Variants in DDX6 observed in about 807,000 individuals in gnomAD.
DDX6 encodes the protein probable ATP-dependent RNA helicase DDX6.
A neutral mutation model predicts 60.6 loss-of-function variants in DDX6; 7 were observed. The observed-to-expected ratio is 0.12, with a 90% CI of 0.07 to 0.22. The LOEUF (loss-of-function observed/expected upper bound fraction) is 0.22. Among genes scored for constraint, DDX6 ranks in the 10% least tolerant of loss-of-function variants. The pLI is 1.00. For synonymous variants in DDX6, 207 were observed against 201.0 expected, an observed-to-expected ratio of 1.03 and a Z score of -0.25; for missense variants, 270 against 589.9, an observed-to-expected ratio of 0.46 and a Z score of 5.62.
chr11:118,778,888 A>T (rs1861791319), intron 4 of DDX6, among the ~76,000 whole-genome samples: 1 of 152,226 alleles, frequency 6.6e-6, no homozygotes, highest in East Asian at 1.9e-4. Context: ...TACTATTAAT[A>T]AAAAAAGGGG....
intron 3 of DDX6, among the ~76,000 whole-genome samples, chr11:118,780,112 CTCA>C (rs1861842733): frequency 9.2e-5 from 2 of 21,696 alleles, no homozygotes; most frequent in African/African-American, 1.5e-4. Flanking sequence ...CAGACTCTAT[CTCA>C]AAAAAAAAAA....
chr11:118,789,986 G>A (rs1448559357), intron 1 of DDX6: 1 of 152,190 alleles, frequency 6.6e-6, no homozygotes, highest in Non-Finnish European at 1.5e-5. Context: ...GGAGCCCCTA[G>A]CGGAGTTAAT....
At chr11:118,778,489 C>G (rs1555164046) in intron 4 of DDX6, among the ~76,000 whole-genome samples, 1 of 152,162 alleles carries the variant, frequency 6.6e-6, no homozygotes. Context: ...TGGTTGAAAA[C>G]AATACGCTAA....
chr11:118,759,036 A>C, intron 8 of DDX6, 134 bp from the exon 9 acceptor site: 3 of 1,182,158 alleles, frequency 2.5e-6, no homozygotes, highest in Non-Finnish European at 3.5e-6. Flanking sequence ...TTCAAAACAA[A>C]ATATATGATC....
At chr11:118,755,346 C>A (rs1283500710) in intron 12 of DDX6, 56 bp downstream of exon 12, 3 of 1,029,584 alleles carry the variant, frequency 2.9e-6, no homozygotes, top group South Asian at 1.3e-5. Flanking sequence ...AAAATTTAGT[C>A]ATTACACGCC....
Position 118,765,080 on chromosome 11 carries a change from T to C in DDX6, c.646+129A>G, listed in dbSNP as rs1250699024. On this transcript the variant is annotated intron_variant, in intron 6 of 13. Transcript: ENST00000534980. The stretch of plus-strand genomic sequence containing the variant: ...ATTTGTCTTTTTCGCTTGAATGCAG[T>C]GGTCATTTCCTTTTCTTACTGCAGT... 6.6e-6 allele frequency: 7 copies of C among 1,065,980 alleles called. No individual in the cohort carries two copies. In the South Asian group the frequency reaches 6.6e-5, roughly 10 times the overall value. 66.0% of individuals were successfully genotyped at this position (1,065,980 alleles called of 1,614,324 possible). A position where few individuals can be genotyped will look rare whatever the true frequency, so the allele number is the denominator to read the frequency against.
At chr11:118,759,774 A>T (rs1450604525) in intron 8 of DDX6, 148 bp downstream of exon 8, 2 of 849,598 alleles carry the variant, frequency 2.4e-6, no homozygotes, top group African/African-American at 1.8e-5. Context: ...ACGTAAAACA[A>T]ATCTTTAATT....
chr11:118,777,565 A>G (rs1445137819), intron 4 of DDX6, among the ~76,000 whole-genome samples: 2 of 152,146 alleles, frequency 1.3e-5, no homozygotes, highest in East Asian at 3.9e-4. Flanking sequence ...CAGGATAGGT[A>G]TAAGATAAGC....
intron 2 of DDX6, among the ~76,000 whole-genome samples, chr11:118,783,904 T>G (rs1374860149): frequency 4.7e-5 from 7 of 149,532 alleles, no homozygotes; most frequent in African/African-American, 1.7e-4. Flanking sequence ...TCACTTGAGC[T>G]CAGGAGTTCC....
chr11:118,757,108 T>C (rs1375683821), intron 10 of DDX6, 63 bp downstream of exon 10: 2 of 917,306 alleles, frequency 2.2e-6, no homozygotes, highest in African/African-American at 1.7e-5. Flanking sequence ...TAAAAGAACA[T>C]TAAAACAAAA....
chr11:118,786,268 A>G lies in DDX6; in HGVS notation c.-17T>C, dbSNP rs1409716658. 3 of 1,580,672 alleles carry G rather than the reference A, an allele frequency of 1.9e-6. No homozygotes were observed. The highest frequency in any genetic ancestry group is 2.6e-6 in the Non-Finnish European group (3 of 1,163,460). On this transcript the variant is annotated 5_prime_UTR_variant, in exon 2 of 14. Coordinates refer to ENST00000534980, the MANE Select transcript of DDX6 (RefSeq NM_004397.6). ...CGTGCTCATGCTGTTTTAATTGCAA[A>G]GGTCTTTCAAACTTCAAAACTTTTG...
upstream of DDX6, chr11:118,791,436 G>A (rs1303250431): frequency 1.3e-5 from 2 of 152,250 alleles, no homozygotes; most frequent in African/African-American, 2.4e-5. Flanking sequence ...TGAAGGGACA[G>A]GACGGCTGCT....
chr11:118,790,107 T>C (rs1862217381), intron 1 of DDX6: 1 of 152,126 alleles, frequency 6.6e-6, no homozygotes. Context: ...TTTCTAGCTT[T>C]GCCTGCAAGT....
intron 9 of DDX6, 64 bp downstream of exon 9, chr11:118,758,710 A>G (rs1323664164): frequency 1.4e-5 from 22 of 1,580,198 alleles, no homozygotes; most frequent in Non-Finnish European, 1.9e-5. Flanking sequence ...GGGAAAATTG[A>G]TGAAATCATC....
intron 4 of DDX6, among the ~76,000 whole-genome samples, chr11:118,776,455 A>G (rs782659339): frequency 5.9e-5 from 9 of 152,162 alleles, no homozygotes; most frequent in Non-Finnish European, 1.2e-4. Flanking sequence ...AGTTTCATCA[A>G]AGCACGCTAA....
At chr11:118,787,835 T>C (rs1252059986) in intron 1 of DDX6, 2 of 151,942 alleles carry the variant, frequency 1.3e-5, no homozygotes, top group African/African-American at 4.8e-5. Context: ...CCAAGATGAC[T>C]CTAATAATTT....
At chr11:118,755,335 C>A in intron 12 of DDX6, 67 bp downstream of exon 12, 1 of 930,794 alleles carries the variant, frequency 1.1e-6, no homozygotes, top group Non-Finnish European at 1.7e-6. Context: ...CACAAAAGAA[C>A]AAAATTTAGT....
intron 2 of DDX6, among the ~76,000 whole-genome samples, chr11:118,785,250 G>A (rs1862035545): frequency 6.6e-6 from 1 of 152,132 alleles, no homozygotes; most frequent in Non-Finnish European, 1.5e-5. Flanking sequence ...ATATCCTCTA[G>A]TAAGAGGAGG....
At position 118,758,775 on chromosome 11, in the gene DDX6, C is replaced by T. The variant is rs782634234; in HGVS notation, c.992G>A (p.Arg331Lys). 1.2e-6 allele frequency: 2 copies of T among 1,613,270 alleles called. No individual in the cohort carries two copies. The highest frequency in any genetic ancestry group is 1.1e-5 in the South Asian group (1 of 90,918). Residue 331 changes from arginine (R) to lysine (K), a missense_variant and splice_region_variant, in exon 9 of 14, where the codon AGG (arginine) becomes AAG (lysine). By Grantham distance (26) the Arg-to-Lys change is conservative. Transcript: ENST00000534980. ...KVHCLNTLFS[R>K]LQINQSIIFC... ...CAACAGCAGAAGCCTACTTCTTACC[C>T]TGGAGAAAAGTGTGTTGAGGCAGTG...
Sources: allele counts gnomAD v4.1 joint callset (sites outside exome capture counted in the v4.1 genomes callset), GRCh38; gene constraint gnomAD v4.1.1; transcripts MANE v1.5; gene names NCBI Gene and HGNC (gene_info 2026-07-23, HGNC 2026-07-21).